TNNI3K: variants seen among roughly 807,000 people sequenced by gnomAD.
TNNI3K encodes the protein TNNI3 interacting kinase, also known as serine/threonine-protein kinase TNNI3K.
A neutral mutation model predicts 114.5 loss-of-function variants in TNNI3K; 140 were observed. The observed-to-expected ratio is 1.22, with a 90% CI of 1.07 to 1.41. The LOEUF is 1.41. Among genes scored for constraint, TNNI3K ranks in the 40% most tolerant of loss-of-function variants. TNNI3K has a pLI of 0.00. For synonymous variants in TNNI3K, 347 were observed against 347.5 expected (o/e 1.00, Z 0.02); for missense variants, 1,125 against 1,007.6 (o/e 1.12, Z -1.58).
At chr1:74,540,748 A>C (rs1646717170) in intron 24 of TNNI3K, among the ~76,000 whole-genome samples, 1 of 129,894 alleles carries the variant, frequency 7.7e-6, no homozygotes, top group African/African-American at 2.9e-5. Context: ...ACAATTACCT[A>C]ATATGTTGGG....
At chr1:74,316,241 A>G (rs1187598601) in intron 5 of TNNI3K, among the ~76,000 whole-genome samples, 1 of 152,196 alleles carries the variant, frequency 6.6e-6, no homozygotes, top group Non-Finnish European at 1.5e-5. Context: ...AAGCTGTGAG[A>G]AAGATCACCA....
intron 5 of TNNI3K, among the ~76,000 whole-genome samples, chr1:74,326,003 A>G (rs1362314446): frequency 6.6e-6 from 1 of 152,218 alleles, no homozygotes; most frequent in Non-Finnish European, 1.5e-5. Flanking sequence ...ATAAATCTCA[A>G]TAATAAAGGT....
chr1:74,532,898 T>A (rs983254920), intron 23 of TNNI3K, among the ~76,000 whole-genome samples: 2 of 152,152 alleles, frequency 1.3e-5, no homozygotes, highest in Admixed American at 1.3e-4. Flanking sequence ...TCCTCACACC[T>A]GATACAAAAA....
intron 17 of TNNI3K, among the ~76,000 whole-genome samples, chr1:74,429,257 G>A (rs754170500): frequency 8.5e-5 from 13 of 152,082 alleles, no homozygotes; most frequent in Non-Finnish European, 1.6e-4. Flanking sequence ...AGATAAGTAG[G>A]TAGGTAGATA....
chr1:74,308,310 A>G (rs2100342705), intron 5 of TNNI3K, among the ~76,000 whole-genome samples: 1 of 152,260 alleles, frequency 6.6e-6, no homozygotes, highest in Non-Finnish European at 1.5e-5. Flanking sequence ...TATACCAAGC[A>G]TCTTCTCAGA....
intron 19 of TNNI3K, among the ~76,000 whole-genome samples, chr1:74,436,834 T>C (rs986181125): frequency 1.3e-5 from 2 of 152,062 alleles, no homozygotes; most frequent in Non-Finnish European, 2.9e-5. Flanking sequence ...TAACTACTTA[T>C]AGTAAAGTAA....
intron 17 of TNNI3K, among the ~76,000 whole-genome samples, chr1:74,380,741 C>G (rs563637844): frequency 1.3e-5 from 2 of 152,056 alleles, no homozygotes; most frequent in African/African-American, 4.8e-5. Flanking sequence ...CTGTGAATGC[C>G]CTCTTGGCAC....
At chr1:74,408,041 A>T (rs777263315) in intron 17 of TNNI3K, among the ~76,000 whole-genome samples, 15 of 152,110 alleles carry the variant, frequency 9.9e-5, no homozygotes, top group Non-Finnish European at 1.6e-4. Flanking sequence ...ATACAGTAAC[A>T]ATCTTTCCCT....
At chr1:74,353,214 A>G in intron 9 of TNNI3K, 52 bp from the exon 10 acceptor site, 1 of 1,586,562 alleles carries the variant, frequency 6.3e-7, no homozygotes, top group Non-Finnish European at 8.6e-7. Context: ...GGCACAATTT[A>G]GTTCATAACA....
chr1:74,479,382 A>G (rs1668363622), intron 21 of TNNI3K, among the ~76,000 whole-genome samples: 1 of 152,258 alleles, frequency 6.6e-6, no homozygotes, highest in Non-Finnish European at 1.5e-5. Context: ...CAAAAAATAT[A>G]TAAAGAATTG....
chr1:74,415,307 C>A lies in TNNI3K; in HGVS notation c.1773-20773C>A, dbSNP rs115651022. On this transcript the variant is annotated intron_variant, in intron 17 of 24. Transcript: ENST00000326637. ...TGCAGCTTTTCCTGTTTTTCTTCTA[C>A]TGTGTTGTATTTTTCTACACATAGC... 6.8e-3 allele frequency among the ~76,000 whole-genome samples: 1,034 copies of A among 152,086 alleles called. 12 individuals carry two copies. The highest frequency in any genetic ancestry group is 0.023 in the African/African-American group (975 of 41,522).
intron 2 of TNNI3K, among the ~76,000 whole-genome samples, chr1:74,246,884 A>G (rs1654594566): frequency 1.3e-5 from 2 of 152,202 alleles, no homozygotes; most frequent in South Asian, 2.1e-4. Context: ...TGAAAGCCTC[A>G]TTCTTATAGT....
At chr1:74,338,276 G>GA (rs1314352736) in intron 7 of TNNI3K, among the ~76,000 whole-genome samples, 10 of 149,802 alleles carry the variant, frequency 6.7e-5, no homozygotes, top group South Asian at 2.1e-4. Flanking sequence ...ATCCATTTGG[G>GA]AAAAAGAAAG....
chr1:74,390,229 ACT>A (rs10606693), intron 17 of TNNI3K, among the ~76,000 whole-genome samples: 6,703 of 152,000 alleles, frequency 0.044, 464 homozygotes, highest in African/African-American at 0.15. Context: ...ATGGAAAAAG[ACT>A]CTCTGATGAA....
chr1:74,353,427 A>G, intron 10 of TNNI3K, 67 bp downstream of exon 10: 2 of 1,571,098 alleles, frequency 1.3e-6, no homozygotes, highest in South Asian at 1.1e-5. Flanking sequence ...ATGGTATGCA[A>G]AGGGATGTGG....
At chr1:74,370,888 C>T (rs753048653) in intron 17 of TNNI3K, 4 of 151,824 alleles carry the variant, frequency 2.6e-5, no homozygotes, top group Non-Finnish European at 4.4e-5. Context: ...GTGGTGGAAC[C>T]CCAAGTGACC....
At chr1:74,331,698 A>ATCTACAAGC in intron 6 of TNNI3K, 150 bp downstream of exon 6, 1 of 622,466 alleles carries the variant, frequency 1.6e-6, no homozygotes, top group Non-Finnish European at 2.5e-6. Flanking sequence ...GAGCTTGTAG[A>ATCTACAAGC]TCCATATAAG....
In TNNI3K at chr1:74,368,147, G is replaced by A. The variant is rs1255547262; in HGVS notation, c.1321+183G>A. Among the ~76,000 whole-genome samples, 37 of 151,684 alleles carry A rather than the reference G, an allele frequency of 2.4e-4. 1 individual carries two copies. Among genetic ancestry groups the A allele is most frequent in the Admixed American group, 2.2e-3 (33 of 15,202 alleles). On this transcript the variant is annotated intron_variant, in intron 13 of 24. Transcript: ENST00000326637. Reference sequence around the variant, plus strand: ...CCTTTATCTCCTTTCAGTGCATAAAGATATAATAACAGTGAAAATTTCACA... The same window carrying A: ...CCTTTATCTCCTTTCAGTGCATAAAAATATAATAACAGTGAAAATTTCACA...
intron 17 of TNNI3K, chr1:74,401,747 T>C (rs1468483341): frequency 2.4e-6 from 1 of 423,708 alleles, no homozygotes; most frequent in East Asian, 7.9e-5. Context: ...CAGATTCGTC[T>C]TTGCCATGTA....
Sources: allele counts gnomAD v4.1 joint callset (sites outside exome capture counted in the v4.1 genomes callset), GRCh38; gene constraint gnomAD v4.1.1; transcripts MANE v1.5; gene names NCBI Gene and HGNC (gene_info 2026-07-23, HGNC 2026-07-21).